The following TMTC1 variants were observed in gnomAD, a reference collection of about 807,000 sequenced individuals.
TMTC1 encodes transmembrane O-mannosyltransferase targeting cadherins 1, also known as protein O-mannosyl-transferase TMTC1.
In TMTC1, 73 loss-of-function variants were observed where a neutral mutation model predicts 104.8. That is an observed-to-expected ratio of 0.70 (90% CI 0.58 to 0.85). The LOEUF (loss-of-function observed/expected upper bound fraction) is 0.85. Ranked by LOEUF, TMTC1 falls within the 40% of genes least tolerant of loss-of-function variation. The pLI is 0.00. For synonymous variants in TMTC1, 434 were observed against 428.7 expected (o/e 1.01, Z -0.15); for missense variants, 1,035 against 1,096.1 (o/e 0.94, Z 0.79).
chr12:29,541,896 A>G (rs1263664217), intron 10 of TMTC1, among the ~76,000 whole-genome samples: 6 of 152,034 alleles, frequency 3.9e-5, no homozygotes, highest in Non-Finnish European at 1.5e-5. Flanking sequence ...TGACCTCGTG[A>G]TCCGCCTGCC....
At chr12:29,653,896 A>G (rs1440996720) in intron 5 of TMTC1, among the ~76,000 whole-genome samples, 1 of 152,228 alleles carries the variant, frequency 6.6e-6, no homozygotes. Flanking sequence ...GTTAACATCA[A>G]CTGTATCAAA....
intron 6 of TMTC1, among the ~76,000 whole-genome samples, chr12:29,627,695 A>G (rs1396529253): frequency 1.3e-5 from 2 of 152,050 alleles, no homozygotes; most frequent in Non-Finnish European, 2.9e-5. Context: ...GTCCAAAAAA[A>G]AAAAAAAAAA....
At chr12:29,671,372 CA>C (rs1166735823) in intron 5 of TMTC1, among the ~76,000 whole-genome samples, 2 of 151,336 alleles carry the variant, frequency 1.3e-5, no homozygotes, top group Non-Finnish European at 3.0e-5. Flanking sequence ...TTTATCACTA[CA>C]AAAAAAGTCA....
rs1592137358 is a variant in TMTC1 at position 29,502,992 on chromosome 12, C to T, written c.*3854G>A. 1 of 152,190 alleles carries T rather than the reference C, an allele frequency of 6.6e-6. No individual in the cohort carries two copies. The highest frequency in any genetic ancestry group is 2.4e-5 in the African/African-American group (1 of 41,446). The allele number at this position is 152,190 out of a possible 1,614,324, so 9.4% of individuals were successfully genotyped here. On this transcript the variant is annotated 3_prime_UTR_variant, in exon 18 of 18. Transcript: ENST00000539277. ...AATGTTTTACAATGAAAACAGGAAA[C>T]CCACATTTGCTCTGTTTCGCCTCAG...
At chr12:29,554,413 C>T (rs539536061) in intron 10 of TMTC1, among the ~76,000 whole-genome samples, 2 of 151,562 alleles carry the variant, frequency 1.3e-5, no homozygotes, top group Admixed American at 1.3e-4. Context: ...GGGATTTGGG[C>T]ATGGAAAAGG....
intron 5 of TMTC1, among the ~76,000 whole-genome samples, chr12:29,723,198 A>G (rs756888035): frequency 6.6e-5 from 10 of 152,124 alleles, no homozygotes; most frequent in Non-Finnish European, 1.5e-4. Context: ...CTTATCCATT[A>G]TAAGAAAACT....
intron 2 of TMTC1, among the ~76,000 whole-genome samples, chr12:29,760,691 G>A (rs1592022705): frequency 6.6e-6 from 1 of 151,544 alleles, no homozygotes; most frequent in East Asian, 1.9e-4. Flanking sequence ...TCAATATGAG[G>A]AACATTTGAT....
intron 5 of TMTC1, among the ~76,000 whole-genome samples, chr12:29,648,680 A>G (rs1939382207): frequency 6.6e-6 from 1 of 152,194 alleles, no homozygotes; most frequent in Non-Finnish European, 1.5e-5. Flanking sequence ...GTCCAGTGCC[A>G]TCCAATAGAA....
At chr12:29,560,966 G>A (rs1404761673) in intron 9 of TMTC1, among the ~76,000 whole-genome samples, 2 of 152,114 alleles carry the variant, frequency 1.3e-5, no homozygotes, top group Admixed American at 1.3e-4. Context: ...TTAAAGTGCT[G>A]TCTCAGACAT....
Position 29,783,730 on chromosome 12 carries a change from G to C in TMTC1, c.22C>G (p.Arg8Gly). 2 of 1,198,542 alleles carry C rather than the reference G, an allele frequency of 1.7e-6. No homozygotes were observed. The highest frequency in any genetic ancestry group is 3.9e-5 in the South Asian group (1 of 25,420). 74.2% of individuals were successfully genotyped at this position (1,198,542 alleles called of 1,614,324 possible). Residue 8 changes from arginine to glycine, a missense_variant, in exon 1 of 18, where the codon CGA becomes GGA. Transcript: ENST00000539277. The surrounding 1 kb of genome is among the most constrained non-coding windows in gnomAD (Gnocchi z 4.7). MVVTTSA[R>G]GGGGDRTPSR... is the part of the protein sequence containing the mutation. ...GGTGTGCGGTCCCCGCCGCCGCCTCGGGCAGAGGTGGTCACCACCATCGCG... is the reference window on the plus strand; with the variant it reads ...GGTGTGCGGTCCCCGCCGCCGCCTCCGGCAGAGGTGGTCACCACCATCGCG...
intron 2 of TMTC1, among the ~76,000 whole-genome samples, chr12:29,767,492 T>C (rs948091342): frequency 2.0e-5 from 3 of 152,196 alleles, no homozygotes; most frequent in Non-Finnish European, 4.4e-5. Flanking sequence ...GCATGGTAAG[T>C]GTCTCGAATG....
chr12:29,753,446 C>T (rs543037278), intron 4 of TMTC1, among the ~76,000 whole-genome samples: 1 of 152,208 alleles, frequency 6.6e-6, no homozygotes, highest in Non-Finnish European at 1.5e-5. Flanking sequence ...TCTGGAGCCA[C>T]GCGGACATGG....
chr12:29,781,169 A>G (rs1226223405), intron 1 of TMTC1, among the ~76,000 whole-genome samples: 1 of 151,800 alleles, frequency 6.6e-6, no homozygotes, highest in Non-Finnish European at 1.5e-5. Flanking sequence ...ATTTAAATCA[A>G]TGCATGTGAG....
intron 10 of TMTC1, among the ~76,000 whole-genome samples, chr12:29,551,556 G>C (rs1486209787): frequency 6.6e-6 from 1 of 152,050 alleles, no homozygotes; most frequent in Admixed American, 6.6e-5. Flanking sequence ...TCTATTATGT[G>C]AACAAAAGGT....
At chr12:29,653,865 C>T (rs771279659) in intron 5 of TMTC1, among the ~76,000 whole-genome samples, 1 of 152,306 alleles carries the variant, frequency 6.6e-6, no homozygotes, top group South Asian at 2.1e-4. Context: ...AGGTCAAATT[C>T]TAAATGGCTT....
intron 5 of TMTC1, among the ~76,000 whole-genome samples, chr12:29,699,193 T>C (rs1471345818): frequency 3.9e-5 from 6 of 152,208 alleles, no homozygotes; most frequent in African/African-American, 1.4e-4. Context: ...CATAGGAGGA[T>C]AGGTAACAGT....
At chr12:29,643,978 TATATAAATATATAATTTATATATAA>T (rs1448394596) in intron 5 of TMTC1, among the ~76,000 whole-genome samples, 2 of 106,122 alleles carry the variant, frequency 1.9e-5, no homozygotes, top group African/African-American at 7.3e-5. Context: ...CATATAAATA[TATATAAATATATAATTTATATATAA>T]ATATAAATAT....
intron 5 of TMTC1, among the ~76,000 whole-genome samples, chr12:29,671,572 G>A (rs11613403): frequency 0.26 from 39,735 of 151,904 alleles, 5,779 homozygotes; most frequent in African/African-American, 0.36. Flanking sequence ...ATACAACAAC[G>A]ACAACTACAA....
chr12:29,751,121 T>C (rs1943080026), intron 5 of TMTC1, among the ~76,000 whole-genome samples: 1 of 152,256 alleles, frequency 6.6e-6, no homozygotes, highest in Non-Finnish European at 1.5e-5. Flanking sequence ...AGAGACAGCC[T>C]AATTTAGGGA....
Sources: gnomAD v4.1 joint callset for allele counts (sites outside exome capture counted in the v4.1 genomes callset) on GRCh38, gnomAD v4.1.1 for gene constraint, Gnocchi (gnomAD v3.1) non-coding constraint, MANE v1.5 for transcripts, NCBI Gene and HGNC (gene_info 2026-07-23, HGNC 2026-07-21) for gene names.